The following PRIMA1 variants were observed in gnomAD, a reference collection of about 807,000 sequenced individuals.
PRIMA1 encodes proline-rich membrane anchor 1.
Under a neutral mutation model 17.5 loss-of-function variants are expected in PRIMA1, and 7 were observed. The observed-to-expected ratio is 0.40, with a 90% confidence interval of 0.23 to 0.75. The LOEUF is 0.75. PRIMA1 is among the 30% of genes least tolerant of loss of function. The pLI is 0.37. For missense variants in PRIMA1, 200 were observed against 201.8 expected (o/e 0.99, Z 0.05); for synonymous variants, 97 against 77.9 (o/e 1.25, Z -1.29).
At chr14:93,783,781 C>G (rs569521895) in intron 2 of PRIMA1, among the ~76,000 whole-genome samples, 1 of 152,324 alleles carries the variant, frequency 6.6e-6, no homozygotes, top group Admixed American at 6.5e-5. Context: ...CAGGTATGTC[C>G]TGGAGTCCCC....
Position 93,779,263 on chromosome 14 carries a change from A to C in PRIMA1, c.142T>G (p.Cys48Gly). 6.5e-7 allele frequency: 1 copy of C among 1,542,908 alleles called. No homozygotes were observed. The highest frequency in any genetic ancestry group is 1.3e-5 in the South Asian group (1 of 79,368). ...QKSCSKVTDSCRHVCQCRPPP... is the reference protein window; with the variant it reads ...QKSCSKVTDSGRHVCQCRPPP... ...GGCCGGCACTGGCAGACGTGTCGGC[A>C]GCTGTCAGTCACTTTGGAGCAGGAC... The change falls in exon 3 of 5, where the codon TGC (cysteine) becomes GGC (glycine). Residue 48 changes from cysteine (C) to glycine (G), a missense_variant. Cys to Gly is a radical substitution (Grantham distance 159). Transcript: ENST00000393140.
chr14:93,735,473 G>A (rs1429370806), intron 4 of PRIMA1, among the ~76,000 whole-genome samples: 1 of 152,056 alleles, frequency 6.6e-6, no homozygotes, highest in East Asian at 1.9e-4. Context: ...ATGCTTTATG[G>A]TCCAGATCAG....
chr14:93,747,123 G>A (rs531454992), intron 3 of PRIMA1, among the ~76,000 whole-genome samples: 1 of 152,284 alleles, frequency 6.6e-6, no homozygotes, highest in East Asian at 1.9e-4. Context: ...GAGGGGAGAA[G>A]AGGGCCAAGG....
At chr14:93,741,715 G>A (rs928946483) in intron 3 of PRIMA1, among the ~76,000 whole-genome samples, 7 of 152,160 alleles carry the variant, frequency 4.6e-5, no homozygotes, top group East Asian at 1.9e-4. Context: ...TCAGGGATGC[G>A]GGTGATGCTT....
rs1292490575 is a variant in PRIMA1, at chr14:93,787,607, C to G, written c.93+19G>C. 6.5e-7 allele frequency: 1 copy of G among 1,539,486 alleles called. No homozygotes were observed. Among genetic ancestry groups the G allele is most frequent in the Non-Finnish European group, 8.7e-7 (1 of 1,146,756 alleles). ...ACCCAGGAGGCCCTCCCAGCCAGTG[C>G]GCAGCCGGCGCGTCTCACCTGCACG... On this transcript the variant is annotated intron_variant, in intron 2 of 4. Coordinates refer to ENST00000393140, the MANE Select transcript of PRIMA1 (RefSeq NM_178013.4).
At chr14:93,768,449 C>A (rs1354691212) in intron 3 of PRIMA1, among the ~76,000 whole-genome samples, 1 of 152,194 alleles carries the variant, frequency 6.6e-6, no homozygotes, top group African/African-American at 2.4e-5. Context: ...TTCATGCGAG[C>A]ATCACCTGGG....
At chr14:93,769,322 T>C (rs753548116) in intron 3 of PRIMA1, among the ~76,000 whole-genome samples, 9 of 152,174 alleles carry the variant, frequency 5.9e-5, no homozygotes, top group Admixed American at 1.3e-4. Context: ...ACGGGAAAAC[T>C]GAAGCTCAGA....
At chr14:93,782,269 AAAATAAATAAAT>A (rs71412332) in intron 2 of PRIMA1, among the ~76,000 whole-genome samples, 3 of 149,716 alleles carry the variant, frequency 2.0e-5, no homozygotes, top group South Asian at 4.2e-4. Context: ...CTCCGTCTCA[AAAATAAATAAAT>A]AAATAAATAA....
chr14:93,779,395 C>A, intron 2 of PRIMA1, 84 bp from the exon 3 acceptor site: 1 of 1,200,378 alleles, frequency 8.3e-7, no homozygotes, highest in Non-Finnish European at 1.1e-6. Context: ...CCACCCCGTC[C>A]CCTGCCAGGC....
In PRIMA1 at chr14:93,787,746, CG is replaced by C. The variant is rs1566981047; in HGVS notation, c.-29del. 1 of 1,540,072 alleles carries C rather than the reference CG, an allele frequency of 6.5e-7. No individual in the cohort carries two copies. Among genetic ancestry groups the C allele is most frequent in the Admixed American group, 2.0e-5 (1 of 50,930 alleles). ...CGGCCAGCGGCGCCCGCTCCTGGGG[CG>C]AACTGTCAGGAGAGCAAGGCTAGGG... On this transcript the variant is annotated splice_region_variant and 5_prime_UTR_variant, in exon 2 of 5. Transcript: ENST00000393140.
At chr14:93,727,113 C>T (rs1003038024) in intron 4 of PRIMA1, among the ~76,000 whole-genome samples, 2 of 152,184 alleles carry the variant, frequency 1.3e-5, no homozygotes, top group Non-Finnish European at 2.9e-5. Flanking sequence ...GGGAGACAGG[C>T]ATGCGGCAGA....
At position 93,720,639 on chromosome 14, in the gene PRIMA1, G is replaced by A. The variant is rs1368708743; in HGVS notation, c.*805C>T. On this transcript the variant is annotated 3_prime_UTR_variant, in exon 5 of 5. Coordinates refer to ENST00000393140, the MANE Select transcript of PRIMA1 (RefSeq NM_178013.4). ...TCACACAGATGCATCAGTTCCTATGGGGTCAAGTGTGGGGATGAGTCTGAG... is the reference window on the plus strand; with the variant it reads ...TCACACAGATGCATCAGTTCCTATGAGGTCAAGTGTGGGGATGAGTCTGAG... 6.5e-6 allele frequency: 1 copy of A among 152,796 alleles called. No individual in the cohort carries two copies. Among genetic ancestry groups the A allele is most frequent in the Non-Finnish European group, 1.5e-5 (1 of 68,174 alleles). The allele number at this position is 152,796 out of a possible 1,614,324, so 9.5% of individuals were successfully genotyped here.
chr14:93,726,836 CAT>C lies in PRIMA1; in HGVS notation c.360-5292_360-5291del, dbSNP rs202055364. ...CACACACACAATATACACATACACA[CAT>C]GTCCCTACACACATATGCACACATA... On this transcript the variant is annotated intron_variant, in intron 4 of 4. Coordinates refer to ENST00000393140, the MANE Select transcript of PRIMA1 (RefSeq NM_178013.4). This position sits in a 1 kb window ranked among gnomAD's most constrained non-coding sequence, Gnocchi z 4.2. 2.3e-3 allele frequency among the ~76,000 whole-genome samples: 357 copies of C among 152,212 alleles called. 11 individuals carry two copies. Among genetic ancestry groups the C allele is most frequent in the Admixed American group, 0.019 (288 of 15,300 alleles).
intron 2 of PRIMA1, among the ~76,000 whole-genome samples, chr14:93,782,160 CG>C (rs1566979206): frequency 6.6e-6 from 1 of 151,824 alleles, no homozygotes; most frequent in African/African-American, 2.4e-5. Context: ...CCCAGCTACT[CG>C]GGAGGCTGAG....
intron 3 of PRIMA1, among the ~76,000 whole-genome samples, chr14:93,742,163 C>T (rs1417803905): frequency 1.3e-5 from 2 of 152,216 alleles, no homozygotes; most frequent in Non-Finnish European, 2.9e-5. Flanking sequence ...AGATTTGAAA[C>T]AGTGGTTTTT....
At chr14:93,778,672 A>T (rs1337587830) in intron 3 of PRIMA1, among the ~76,000 whole-genome samples, 1 of 152,238 alleles carries the variant, frequency 6.6e-6, no homozygotes, top group East Asian at 1.9e-4. Flanking sequence ...GCGCAATCAA[A>T]TTGTTCAGAG....
intron 3 of PRIMA1, among the ~76,000 whole-genome samples, chr14:93,764,457 A>G (rs1382402898): frequency 6.7e-6 from 1 of 150,274 alleles, no homozygotes; most frequent in Non-Finnish European, 1.5e-5. Context: ...GTCCACAGGC[A>G]TCTCAAACTC....
At chr14:93,773,922 T>C (rs1885137342) in intron 3 of PRIMA1, among the ~76,000 whole-genome samples, 1 of 152,048 alleles carries the variant, frequency 6.6e-6, no homozygotes. Flanking sequence ...GGTGAAATCC[T>C]CTCTAATAAA....
chr14:93,768,154 C>T (rs1595218092), intron 3 of PRIMA1, among the ~76,000 whole-genome samples: 1 of 152,082 alleles, frequency 6.6e-6, no homozygotes, highest in Non-Finnish European at 1.5e-5. Flanking sequence ...TGGATGCGGC[C>T]TCTTGAAGAC....
Sources: allele counts gnomAD v4.1 joint callset (sites outside exome capture counted in the v4.1 genomes callset), GRCh38; gene constraint gnomAD v4.1.1; non-coding constraint Gnocchi (gnomAD v3.1); transcripts MANE v1.5; gene names NCBI Gene and HGNC (gene_info 2026-07-23, HGNC 2026-07-21).